NFIX: variants seen among roughly 807,000 people sequenced by gnomAD.
NFIX encodes the protein nuclear factor I X.
In NFIX, 2 loss-of-function variants were observed where a neutral mutation model predicts 53.3. The ratio of observed to expected loss-of-function variants is 0.04; its 90% CI spans 0.02 to 0.12. The LOEUF is 0.12. NFIX is among the 10% of genes least tolerant of loss of function. The pLI is 1.00. For missense variants in NFIX, 310 were observed against 674.5 expected (o/e 0.46, Z 5.99); for synonymous variants, 244 against 289.0 (o/e 0.84, Z 1.58).
In NFIX at chr19:13,021,431, A is replaced by C. The variant is rs1238014644; in HGVS notation, c.28-3590A>C. Among the ~76,000 whole-genome samples the C allele has an allele frequency of 6.6e-6, 1 of 151,958 alleles. No individual in the cohort carries two copies. The highest frequency in any genetic ancestry group is 2.4e-5 in the African/African-American group (1 of 41,388). ...GCGCCAGCCCAGGGCTGGATGTTTT[A>C]TTTTGGCATGCCCCAGGTGCTCTTC... On this transcript the variant is annotated intron_variant, in intron 1 of 10. Coordinates refer to ENST00000592199, the MANE Select transcript of NFIX (RefSeq NM_001365902.3). This position sits in a 1 kb window ranked among gnomAD's most constrained non-coding sequence, Gnocchi z 4.2.
Position 13,006,390 on chromosome 19 carries a change from C to G in NFIX, c.27+10526C>G, listed in dbSNP as rs2012016318. 1.3e-5 allele frequency among the ~76,000 whole-genome samples: 2 copies of G among 152,252 alleles called. No individual in the cohort carries two copies. The highest frequency in any genetic ancestry group is 2.9e-5 in the Non-Finnish European group (2 of 68,046). On this transcript the variant is annotated intron_variant, in intron 1 of 10. Coordinates refer to ENST00000592199, the MANE Select transcript of NFIX (RefSeq NM_001365902.3). This position sits in a 1 kb window ranked among gnomAD's most constrained non-coding sequence, Gnocchi z 5.6. ...CCATGTTGCCTGTCATTTCTTCAAT[C>G]TGAGCTCATCTATTATCCATATTTG...
intron 6 of NFIX, among the ~76,000 whole-genome samples, chr19:13,076,422 G>A (rs1233263549): frequency 1.3e-5 from 2 of 152,178 alleles, no homozygotes; most frequent in African/African-American, 4.8e-5. Flanking sequence ...GACAGACCTA[G>A]AGAGGACTCT....
rs139623414 is a variant in NFIX, at chr19:13,055,225, C to T, written c.560-17822C>T. 1.7e-4 allele frequency among the ~76,000 whole-genome samples: 26 copies of T among 151,642 alleles called. No individual in the cohort carries two copies. In the East Asian group the frequency reaches 4.3e-3, roughly 25 times the overall value. On this transcript the variant is annotated intron_variant, in intron 2 of 10. Transcript: ENST00000592199. ...CCAAGCGCCAGGCACAACCCTCCCCCCCTCCCCACTCCTCCCTCCCACTTA... is the reference window on the plus strand; with the variant it reads ...CCAAGCGCCAGGCACAACCCTCCCCTCCTCCCCACTCCTCCCTCCCACTTA...
intron 8 of NFIX, among the ~76,000 whole-genome samples, chr19:13,084,556 C>T (rs1307173317): frequency 6.6e-6 from 1 of 152,150 alleles, no homozygotes. Context: ...ACAGCCAAGG[C>T]CATGTGGAGA....
At chr19:13,077,364 C>T (rs1221712072) in intron 6 of NFIX, among the ~76,000 whole-genome samples, 1 of 152,226 alleles carries the variant, frequency 6.6e-6, no homozygotes, top group Non-Finnish European at 1.5e-5. Context: ...CTTTTCCCCT[C>T]ACCCCGCTGT....
intron 2 of NFIX, among the ~76,000 whole-genome samples, chr19:13,039,227 C>CCCT (rs1555698292): frequency 6.2e-5 from 9 of 144,922 alleles, no homozygotes; most frequent in Admixed American, 4.6e-4. Flanking sequence ...AACACCCCCC[C>CCCT]CCACACACAC....
intron 1 of NFIX, among the ~76,000 whole-genome samples, chr19:13,008,617 C>T (rs1018585556): frequency 1.3e-5 from 2 of 152,206 alleles, no homozygotes; most frequent in African/African-American, 4.8e-5. Context: ...TCTTCTTTCT[C>T]CAGGTCTCCG....
intron 2 of NFIX, chr19:13,071,422 G>C: frequency 6.6e-6 from 1 of 152,168 alleles, no homozygotes; most frequent in East Asian, 1.9e-4. Flanking sequence ...CAGGGAACAT[G>C]GGTAGGCTTC....
At position 12,998,444 on chromosome 19, in the gene NFIX, G is replaced by A. The variant is rs1387061416; in HGVS notation, c.27+2580G>A. Among the ~76,000 whole-genome samples, 1 of 152,116 alleles carries A rather than the reference G, an allele frequency of 6.6e-6. No individual in the cohort carries two copies. The highest frequency in any genetic ancestry group is 1.5e-5 in the Non-Finnish European group (1 of 68,032). On this transcript the variant is annotated intron_variant, in intron 1 of 10. Transcript: ENST00000592199. This position sits in a 1 kb window ranked among gnomAD's most constrained non-coding sequence, Gnocchi z 4.4. ...GGGCCCTGGCGGGGAAAGGTACTGT[G>A]GGCGAGGGGGAAGGGCGGGGGGAAA...
At chr19:13,044,494 A>G (rs1040987057) in intron 2 of NFIX, among the ~76,000 whole-genome samples, 1 of 152,178 alleles carries the variant, frequency 6.6e-6, no homozygotes, top group African/African-American at 2.4e-5. Context: ...CACCCCAACA[A>G]CGTAAGAGGA....
chr19:13,091,671 G>A (rs963673393), intron 10 of NFIX, among the ~76,000 whole-genome samples: 3 of 152,128 alleles, frequency 2.0e-5, no homozygotes, highest in African/African-American at 4.8e-5. Flanking sequence ...CAGGGAGGCC[G>A]AGAGAGCCCT....
chr19:13,020,390 TAGG>T (rs1485181977), intron 1 of NFIX, among the ~76,000 whole-genome samples: 1 of 151,388 alleles, frequency 6.6e-6, no homozygotes, highest in Admixed American at 6.6e-5. Context: ...GCGCCCAAAA[TAGG>T]AGGGGAGGAA....
intron 10 of NFIX, among the ~76,000 whole-genome samples, chr19:13,091,073 T>A (rs2018108540): frequency 6.6e-6 from 1 of 152,136 alleles, no homozygotes; most frequent in Non-Finnish European, 1.5e-5. Context: ...CAGAGGCCAG[T>A]GCCCACAGAG....
Position 13,049,126 on chromosome 19 carries a change from A to C in NFIX, c.559+23574A>C, listed in dbSNP as rs1218046264. Among the ~76,000 whole-genome samples, 2 of 151,438 alleles carry C rather than the reference A, an allele frequency of 1.3e-5. No homozygotes were observed. The highest frequency in any genetic ancestry group is 3.0e-5 in the Non-Finnish European group (2 of 67,794). ...TTAGCCATGCACGGTGGTGGCGTGC[A>C]TTTGTAATCCTAGCTACTTGGGAGG... On this transcript the variant is annotated intron_variant, in intron 2 of 10. Transcript: ENST00000592199. The surrounding 1 kb of genome is among the most constrained non-coding windows in gnomAD (Gnocchi z 4.5).
intron 2 of NFIX, among the ~76,000 whole-genome samples, chr19:13,071,999 T>C (rs1281019017): frequency 6.6e-6 from 1 of 152,238 alleles, no homozygotes; most frequent in East Asian, 1.9e-4. Context: ...AGGAATGCTC[T>C]TTAAAGTCGG....
In NFIX at chr19:13,008,097, G is replaced by A. The variant is rs190400449; in HGVS notation, c.27+12233G>A. Among the ~76,000 whole-genome samples, 4 of 152,294 alleles carry A rather than the reference G, an allele frequency of 2.6e-5. No individual in the cohort carries two copies. In the East Asian group the frequency reaches 7.7e-4, roughly 29 times the overall value. On this transcript the variant is annotated intron_variant, in intron 1 of 10. Coordinates refer to ENST00000592199, the MANE Select transcript of NFIX (RefSeq NM_001365902.3). ...TTAAGGAGGTAGGAGGGGGTGACAG[G>A]GCACTACCCCTCAGCCCATGGAGTC...
intron 6 of NFIX, among the ~76,000 whole-genome samples, chr19:13,076,293 G>A (rs1273969789): frequency 2.0e-5 from 3 of 152,164 alleles, no homozygotes; most frequent in African/African-American, 7.2e-5. Flanking sequence ...ACCAGGTAGG[G>A]AAGCTAGCGA....
chr19:13,073,974 A>G lies in NFIX; in HGVS notation c.766A>G (p.Ile256Val). 1.2e-6 allele frequency: 2 copies of G among 1,613,826 alleles called. No homozygotes were observed. Among genetic ancestry groups the G allele is most frequent in the African/African-American group, 1.3e-5 (1 of 74,988 alleles). The change falls in exon 5 of 11, where the codon ATC becomes GTC. Residue 256 changes from isoleucine to valine, a missense_variant. Physicochemically the swap from Ile to Val is conservative, Grantham distance 29 (BLOSUM62 3). Around this residue, in one of 5 missense-constraint regions of NFIX, gnomAD observed 164 missense variants for 284.4 expected, o/e 0.58. Coordinates refer to ENST00000592199, the MANE Select transcript of NFIX (RefSeq NM_001365902.3). This position sits in a 1 kb window ranked among gnomAD's most constrained non-coding sequence, Gnocchi z 4.5. ...CCTGGAGAGTCCCAGCTACTACAACATCAACCAGGTGACCCTGGGGCGGCG... is the reference window on the plus strand; with the variant it reads ...CCTGGAGAGTCCCAGCTACTACAACGTCAACCAGGTGACCCTGGGGCGGCG... Reference protein sequence around the residue: ...ADLESPSYYNINQVTLGRRSI... With the variant: ...ADLESPSYYNVNQVTLGRRSI...
At position 13,097,041 on chromosome 19, in the gene NFIX, T is replaced by A. The variant is rs759313886; in HGVS notation, c.*2392T>A. 6.6e-6 allele frequency: 1 copy of A among 151,280 alleles called. No homozygotes were observed. Among genetic ancestry groups the A allele is most frequent in the Non-Finnish European group, 1.5e-5 (1 of 67,788 alleles). 9.4% of individuals were successfully genotyped at this position (151,280 alleles called of 1,614,324 possible). On this transcript the variant is annotated 3_prime_UTR_variant, in exon 11 of 11. Coordinates refer to ENST00000592199, the MANE Select transcript of NFIX (RefSeq NM_001365902.3). ...ATGCATCAGAGAGTTTTCCTATCTT[T>A]GTATGTTAAGAGATTAAGAAAAAAA...
Sources: gnomAD v4.1 joint callset for allele counts (sites outside exome capture counted in the v4.1 genomes callset) on GRCh38, gnomAD v4.1.1 for gene constraint, gnomAD v4.1.1 regional missense constraint, Gnocchi (gnomAD v3.1) non-coding constraint, MANE v1.5 for transcripts, NCBI Gene and HGNC (gene_info 2026-07-23, HGNC 2026-07-21) for gene names.